The following CP variants were observed in gnomAD, a reference collection of about 807,000 sequenced individuals.
The protein encoded by CP is ceruloplasmin.
CP carries 64 observed loss-of-function variants against 122.4 expected under a neutral mutation model. That is an observed-to-expected ratio of 0.52 (90% CI 0.43 to 0.64). CP has a LOEUF of 0.64. Among genes scored for constraint, CP ranks in the 30% least tolerant of loss-of-function variants. The pLI is 0.00. For missense variants in CP, 1,167 were observed against 1,284.4 expected (o/e 0.91, Z 1.40); for synonymous variants, 440 against 436.4 (o/e 1.01, Z -0.10).
At chr3:149,168,315 C>T (rs1185851954), downstream of CP, 1 of 264,310 alleles carries the variant, frequency 3.8e-6, no homozygotes, top group Admixed American at 5.0e-5. Context: ...ACTTAATTTA[C>T]TTCATGTAGG....
intron 8 of CP, 83 bp from the exon 9 acceptor site, chr3:149,198,661 A>G (rs913943134): frequency 2.5e-5 from 28 of 1,130,094 alleles, no homozygotes; most frequent in Non-Finnish European, 3.4e-5. Context: ...AGTTTAGTCT[A>G]GAATAGCCCA....
chr3:149,194,914 T>C, intron 9 of CP, among the ~76,000 whole-genome samples: 1 of 152,150 alleles, frequency 6.6e-6, no homozygotes, highest in East Asian at 1.9e-4. Flanking sequence ...CCATGAAACA[T>C]ATTAAAGGGC....
rs761514411 is a variant in CP, at chr3:149,185,453, T to C, written c.2078-7A>G. On this transcript the variant is annotated splice_polypyrimidine_tract_variant and splice_region_variant and intron_variant, in intron 11 of 18. Coordinates refer to ENST00000264613, the MANE Select transcript of CP (RefSeq NM_000096.4). The stretch of plus-strand genomic sequence containing the variant: ...CATTCAACATTAAAAGTCCCTGGAG[T>C]GGTAAATAAGAAAACATGTCACTTC... 2 of 1,613,854 alleles carry C rather than the reference T, an allele frequency of 1.2e-6. No individual in the cohort carries two copies. Among genetic ancestry groups the C allele is most frequent in the Non-Finnish European group, 1.7e-6 (2 of 1,179,850 alleles).
At chr3:149,177,484 C>G (rs531702313) in intron 17 of CP, among the ~76,000 whole-genome samples, 7 of 152,240 alleles carry the variant, frequency 4.6e-5, no homozygotes, top group African/African-American at 1.7e-4. Context: ...GCTCAAGTCC[C>G]TTATATAAAA....
chr3:149,202,026 A>C (rs1265106032), intron 7 of CP, 76 bp downstream of exon 7: 11 of 1,581,822 alleles, frequency 7.0e-6, no homozygotes, highest in Admixed American at 1.7e-5. Context: ...GTAGGTCCTG[A>C]AGTTACTATT....
In CP at chr3:149,185,101, TTTGTTG is replaced by T. The variant is rs141521527; in HGVS notation, c.2285+132_2285+137del. ...ATAAGGACAAGTTCCTAGGAAGTGT[TTTGTTG>T]TTGTTGTTGTTGTTGTTGTTATTGT... On this transcript the variant is annotated intron_variant, in intron 12 of 18. Coordinates refer to ENST00000264613, the MANE Select transcript of CP (RefSeq NM_000096.4). 2,712 of 735,892 alleles carry T rather than the reference TTTGTTG, an allele frequency of 3.7e-3. 9 individuals carry two copies. Among genetic ancestry groups the T allele is most frequent in the African/African-American group, 0.012 (674 of 56,286 alleles). 45.6% of individuals were successfully genotyped at this position (735,892 alleles called of 1,614,324 possible). A position where few individuals can be genotyped will look rare whatever the true frequency, so the allele number is the denominator to read the frequency against.
Position 149,177,867 on chromosome 3 carries a change from A to G in CP, c.2991T>C (p.His997=), listed in dbSNP as rs34394958. The G allele has an allele frequency of 0.042, 67,089 of 1,613,350 alleles. 1,660 individuals carry two copies. The highest frequency in any genetic ancestry group is 0.052 in the Middle Eastern group (315 of 6,062). The change falls in exon 17 of 19, where the codon CAT becomes CAC. Residue 997 remains histidine (H), a synonymous_variant. Transcript: ENST00000264613. The part of the protein sequence containing the change: ...MGNEIDLHTV[H]FHGHSFQYKH... ...TGTATTGGAAGCTATGGCCGTGAAA[A>G]TGTACAGTGTGTAAGTCTATTTCAT...
At chr3:149,193,605 AT>A in intron 9 of CP, among the ~76,000 whole-genome samples, 1 of 152,272 alleles carries the variant, frequency 6.6e-6, no homozygotes, top group East Asian at 1.9e-4. Context: ...TTAAAATGAT[AT>A]TTTTTTAAAA....
rs367796539 is a variant in CP, at chr3:149,181,961, A to G, written c.2554+44T>C. ...AGAGTAATCTGTGGAAAGGCTGTAC[A>G]GCCTGTTAAAATGCACCACCCCCAC... On this transcript the variant is annotated intron_variant, in intron 14 of 18. Coordinates refer to ENST00000264613, the MANE Select transcript of CP (RefSeq NM_000096.4). The G allele has an allele frequency of 4.9e-6, 6 of 1,217,074 alleles. No individual in the cohort carries two copies. In the African/African-American group the frequency reaches 9.2e-5, roughly 19 times the overall value. The allele number at this position is 1,217,074 out of a possible 1,614,324, so 75.4% of individuals were successfully genotyped here. A position where few individuals can be genotyped will look rare whatever the true frequency, so the allele number is the denominator to read the frequency against.
chr3:149,198,982 C>G, intron 8 of CP, among the ~76,000 whole-genome samples: 1 of 152,170 alleles, frequency 6.6e-6, no homozygotes, highest in East Asian at 1.9e-4. Flanking sequence ...CTGAAAATTA[C>G]ATTCCATTCC....
chr3:149,209,416 A>T (rs1341496644), intron 3 of CP, 32 bp from the exon 4 acceptor site: 7 of 1,591,710 alleles, frequency 4.4e-6, no homozygotes, highest in Non-Finnish European at 6.0e-6. Context: ...TAGCAAGACT[A>T]AACTTTTAGC....
At chr3:149,181,979 A>AACCCCAC in intron 14 of CP, 26 bp downstream of exon 14, 2 of 515,794 alleles carry the variant, frequency 3.9e-6, no homozygotes, top group East Asian at 5.8e-5. Context: ...AAAATGCACC[A>AACCCCAC]CCCCCACCCC....
chr3:149,177,041 A>G (rs1313673818), intron 17 of CP, among the ~76,000 whole-genome samples: 2 of 152,208 alleles, frequency 1.3e-5, no homozygotes, highest in African/African-American at 4.8e-5. Context: ...AGCCCAAAGC[A>G]TAAGGAAAAA....
chr3:149,198,102 G>C (rs1727020164), intron 9 of CP, among the ~76,000 whole-genome samples: 1 of 152,126 alleles, frequency 6.6e-6, no homozygotes, highest in South Asian at 2.1e-4. Flanking sequence ...TAATTGTTTG[G>C]ATACTGATCC....
chr3:149,212,175 G>A lies in CP; in HGVS notation c.394+276C>T, dbSNP rs561086532. Among the ~76,000 whole-genome samples, 14 of 152,094 alleles carry A rather than the reference G, an allele frequency of 9.2e-5. No individual in the cohort carries two copies. In the South Asian group the frequency reaches 2.9e-3, roughly 32 times the overall value. ...AAAATAAAAAAGTTTGCCAGGCATG[G>A]TAGTGGGCGCCTGTAGTCCCAGCTA... On this transcript the variant is annotated intron_variant, in intron 2 of 18. Transcript: ENST00000264613.
At chr3:149,171,766 G>A (rs539617280), downstream of CP, among the ~76,000 whole-genome samples, 3 of 144,002 alleles carry the variant, frequency 2.1e-5, no homozygotes, top group African/African-American at 5.2e-5. Context: ...GTGCAGTGGT[G>A]CAATCTCAAC....
downstream of CP, among the ~76,000 whole-genome samples, chr3:149,167,610 A>G (rs2108186059): frequency 6.6e-6 from 1 of 152,222 alleles, no homozygotes; most frequent in East Asian, 1.9e-4. Context: ...TTCTTGCCAC[A>G]TAGGAGATGA....
At chr3:149,181,452 A>C (rs35904683) in intron 14 of CP, among the ~76,000 whole-genome samples, 32,814 of 152,096 alleles carry the variant, frequency 0.22, 3,838 homozygotes, top group East Asian at 0.28. Flanking sequence ...GAGAAATAGT[A>C]TTTTCCTGGA....
At position 149,206,063 on chromosome 3, in the gene CP, A is replaced by C. The variant is rs368994188; in HGVS notation, c.1208+105T>G. ...TAAATATTTAGCAGTCTAGTTACTC[A>C]ATTTCAGATACCAATTAAAATTTTA... On this transcript the variant is annotated intron_variant, in intron 6 of 18. Transcript: ENST00000264613. The C allele has an allele frequency of 1.1e-3, 1,092 of 1,035,190 alleles. 29 individuals carry two copies. In the South Asian group the frequency reaches 0.015, roughly 14 times the overall value. The allele number at this position is 1,035,190 out of a possible 1,614,324, so 64.1% of individuals were successfully genotyped here.
Sources: allele counts gnomAD v4.1 joint callset (sites outside exome capture counted in the v4.1 genomes callset), GRCh38; gene constraint gnomAD v4.1.1; transcripts MANE v1.5; gene names NCBI Gene and HGNC (gene_info 2026-07-23, HGNC 2026-07-21).